Variants in USH2A observed in about 807,000 individuals in gnomAD.
USH2A encodes the protein Usher syndrome 2A (autosomal recessive, mild).
USH2A carries 443 observed loss-of-function variants against 538.9 expected under a neutral mutation model. That is an observed-to-expected ratio of 0.82 (90% CI 0.76 to 0.89). The LOEUF (loss-of-function observed/expected upper bound fraction) is 0.89. Ranked by LOEUF, USH2A falls within the 40% of genes least tolerant of loss-of-function variation. The pLI is 0.00. For synonymous variants in USH2A, 2,413 were observed against 2,273.5 expected (o/e 1.06, Z -1.75); for missense variants, 6,633 against 6,324.8 (o/e 1.05, Z -1.65).
intron 14 of USH2A, among the ~76,000 whole-genome samples, chr1:216,228,809 C>T (rs2035616282): frequency 6.6e-6 from 1 of 152,096 alleles, no homozygotes; most frequent in South Asian, 2.1e-4. Context: ...GTAATCTCAC[C>T]ACCCCCATCA....
intron 24 of USH2A, among the ~76,000 whole-genome samples, chr1:216,085,517 C>G (rs1321734371): frequency 2.0e-5 from 3 of 152,060 alleles, no homozygotes; most frequent in African/African-American, 7.2e-5. Flanking sequence ...CAGCCACCTC[C>G]TTTCCTATGG....
chr1:215,885,011 G>T (rs995532216), intron 41 of USH2A, among the ~76,000 whole-genome samples: 3 of 152,110 alleles, frequency 2.0e-5, no homozygotes, highest in East Asian at 3.9e-4. Flanking sequence ...TATCATAAAA[G>T]AAGTTTTTTT....
chr1:215,981,041 T>A (rs930831364), intron 35 of USH2A, among the ~76,000 whole-genome samples: 2 of 152,172 alleles, frequency 1.3e-5, no homozygotes, highest in African/African-American at 4.8e-5. Context: ...TCAATTCTAG[T>A]GTACATGTGA....
At chr1:216,220,206 A>C (rs2035428956) in intron 14 of USH2A, among the ~76,000 whole-genome samples, 1 of 151,910 alleles carries the variant, frequency 6.6e-6, no homozygotes, top group Non-Finnish European at 1.5e-5. Flanking sequence ...CAATTTATTG[A>C]CATTTCTCTT....
At chr1:215,652,226 C>G (rs1657106601) in intron 64 of USH2A, among the ~76,000 whole-genome samples, 1 of 152,216 alleles carries the variant, frequency 6.6e-6, no homozygotes, top group African/African-American at 2.4e-5. Flanking sequence ...ATTTCACTAT[C>G]TTGTTCAAGG....
intron 58 of USH2A, among the ~76,000 whole-genome samples, chr1:215,758,137 T>C (rs1054071084): frequency 6.6e-6 from 1 of 152,008 alleles, no homozygotes; most frequent in Non-Finnish European, 1.5e-5. Flanking sequence ...CAATACAAAA[T>C]TAGCCGGGCA....
Position 216,198,641 on chromosome 1 carries a change from G to A in USH2A, c.3812-57C>T, listed in dbSNP as rs879133154. On this transcript the variant is annotated intron_variant, in intron 17 of 71. Transcript: ENST00000307340. ...TCATCAGACAAAGGGGTTACTTTAG[G>A]GGTAGGGTAGGGACAGGTCAGTTAA... is the stretch of plus-strand genomic sequence containing the variant. 8 of 1,523,742 alleles carry A rather than the reference G, an allele frequency of 5.3e-6. No individual in the cohort carries two copies. In the South Asian group the frequency reaches 7.9e-5, roughly 15 times the overall value. The allele number at this position is 1,523,742 out of a possible 1,614,324, so 94.4% of individuals were successfully genotyped here.
intron 3 of USH2A, among the ~76,000 whole-genome samples, chr1:216,380,572 A>G (rs1303696331): frequency 6.6e-6 from 1 of 152,186 alleles, no homozygotes; most frequent in Admixed American, 6.5e-5. Flanking sequence ...GAGTGAATAT[A>G]TCTGTGAACA....
At position 215,752,067 on chromosome 1, in the gene USH2A, G is replaced by GTC. The variant is rs909464585; in HGVS notation, c.11389+6526_11389+6527dup. Reference sequence around the variant, plus strand: ...CTCTGTTTGTCATTAAAGAAGAAATGTCTCTCTCTCTCTGTCTCTCTGCCT... The same window carrying GTC: ...CTCTGTTTGTCATTAAAGAAGAAATGTCTCTCTCTCTCTCTGTCTCTCTGCCT... On this transcript the variant is annotated intron_variant, in intron 58 of 71. Transcript: ENST00000307340. Among the ~76,000 whole-genome samples, 7 of 151,772 alleles carry GTC rather than the reference G, an allele frequency of 4.6e-5. 1 individual carries two copies. Among genetic ancestry groups the GTC allele is most frequent in the Non-Finnish European group, 7.4e-5 (5 of 67,876 alleles).
At position 215,623,843 on chromosome 1, in the gene USH2A, A is replaced by C. The variant is rs1655895824; in HGVS notation, c.*1938T>G. Reference sequence around the variant, plus strand: ...ATTTTTCAAAAATCAGGATAAACTCAATCTTCTGAACCTAGCAAAGCATAT... The same window carrying C: ...ATTTTTCAAAAATCAGGATAAACTCCATCTTCTGAACCTAGCAAAGCATAT... On this transcript the variant is annotated 3_prime_UTR_variant, in exon 72 of 72. Coordinates refer to ENST00000307340, the MANE Select transcript of USH2A (RefSeq NM_206933.4). 1 of 152,146 alleles carries C rather than the reference A, an allele frequency of 6.6e-6. No homozygotes were observed. Among genetic ancestry groups the C allele is most frequent in the Non-Finnish European group, 1.5e-5 (1 of 68,026 alleles). The allele number at this position is 152,146 out of a possible 1,614,324, so 9.4% of individuals were successfully genotyped here. A position where few individuals can be genotyped will look rare whatever the true frequency, so the allele number is the denominator to read the frequency against.
At chr1:215,706,073 T>C (rs1659176587) in intron 61 of USH2A, among the ~76,000 whole-genome samples, 1 of 152,226 alleles carries the variant, frequency 6.6e-6, no homozygotes, top group East Asian at 1.9e-4. Flanking sequence ...GATAAGGAAA[T>C]GGATGAAAAG....
rs185689133 is a variant in USH2A at position 216,287,710 on chromosome 1, A to G, written c.1971+1570T>C. Among the ~76,000 whole-genome samples the G allele has an allele frequency of 4.6e-5, 7 of 152,270 alleles. No individual in the cohort carries two copies. The East Asian group carries it at 1.2e-3, about 25-fold the overall frequency. ...AAATCTGATGCACTGTAACTCGTGT[A>G]GGTTAGACACGTAACTGAGATTCTG... On this transcript the variant is annotated intron_variant, in intron 11 of 71. Coordinates refer to ENST00000307340, the MANE Select transcript of USH2A (RefSeq NM_206933.4).
intron 47 of USH2A, among the ~76,000 whole-genome samples, chr1:215,827,579 T>C (rs1173078020): frequency 3.9e-5 from 6 of 152,184 alleles, no homozygotes; most frequent in African/African-American, 4.8e-5. Flanking sequence ...TAATCAGAAC[T>C]CATGGCCATC....
chr1:215,915,929 TC>T (rs1409030273), intron 38 of USH2A, among the ~76,000 whole-genome samples: 7 of 151,198 alleles, frequency 4.6e-5, no homozygotes, highest in Admixed American at 4.0e-4. Flanking sequence ...CAATAAACTA[TC>T]ACAACAACAA....
At chr1:216,088,888 CA>C in intron 23 of USH2A, 124 bp downstream of exon 23, 1 of 1,435,582 alleles carries the variant, frequency 7.0e-7, no homozygotes, top group Admixed American at 1.9e-5. Flanking sequence ...GCAAATTCAA[CA>C]GCAATATATA....
At chr1:215,730,758 T>C (rs968258243) in intron 60 of USH2A, among the ~76,000 whole-genome samples, 6 of 152,208 alleles carry the variant, frequency 3.9e-5, no homozygotes, top group Admixed American at 2.0e-4. Flanking sequence ...AGAGGCTTCA[T>C]AGACACCTCT....
intron 23 of USH2A, among the ~76,000 whole-genome samples, chr1:216,087,789 G>A (rs1347167593): frequency 1.3e-5 from 2 of 152,154 alleles, no homozygotes; most frequent in South Asian, 2.1e-4. Context: ...CCTGGTTCAG[G>A]TCTCCATGAT....
intron 49 of USH2A, among the ~76,000 whole-genome samples, chr1:215,804,923 G>A (rs1323530732): frequency 3.3e-5 from 5 of 152,120 alleles, no homozygotes; most frequent in South Asian, 4.1e-4. Context: ...AGAAAATGTG[G>A]CACATATACA....
At chr1:215,780,544 A>G (rs760890520) in intron 54 of USH2A, among the ~76,000 whole-genome samples, 1 of 152,250 alleles carries the variant, frequency 6.6e-6, no homozygotes, top group African/African-American at 2.4e-5. Flanking sequence ...GGATGACTTT[A>G]TAGTGTCTGC....
Sources: allele counts gnomAD v4.1 joint callset (sites outside exome capture counted in the v4.1 genomes callset), GRCh38; gene constraint gnomAD v4.1.1; transcripts MANE v1.5; gene names NCBI Gene and HGNC (gene_info 2026-07-23, HGNC 2026-07-21).